NDUFA13: variants seen among roughly 807,000 people sequenced by gnomAD.
NDUFA13 encodes the protein NADH:ubiquinone oxidoreductase subunit A13.
A neutral mutation model predicts 17.0 loss-of-function variants in NDUFA13; 16 were observed. The ratio of observed to expected loss-of-function variants is 0.94; its 90% CI spans 0.64 to 1.43. The LOEUF is 1.43. Among genes scored for constraint, NDUFA13 ranks in the 40% most tolerant of loss-of-function variants. The pLI, the probability that NDUFA13 is intolerant of heterozygous loss-of-function variation, is 0.00. For synonymous variants in NDUFA13, 87 were observed against 78.4 expected (o/e 1.11, Z -0.58); for missense variants, 228 against 206.7 (o/e 1.10, Z -0.63).
chr19:19,527,175 C>T, intron 2 of NDUFA13, 106 bp from the exon 3 acceptor site: 1 of 1,189,552 alleles, frequency 8.4e-7, no homozygotes, highest in South Asian at 1.3e-5. Context: ...TCCCCGCCCC[C>T]CTCCGCCTCT....
At chr19:19,527,131 C>T in intron 2 of NDUFA13, 150 bp from the exon 3 acceptor site, 1 of 879,902 alleles carries the variant, frequency 1.1e-6, no homozygotes, top group Non-Finnish European at 1.8e-6. Context: ...AGCCCTTGCC[C>T]TTCCCGCGAC....
intron 1 of NDUFA13, among the ~76,000 whole-genome samples, chr19:19,522,162 G>A (rs902747710): frequency 7.9e-5 from 12 of 151,846 alleles, no homozygotes; most frequent in African/African-American, 2.4e-4. Flanking sequence ...AAAATTAGCT[G>A]GGCGCGGTGG....
At position 19,522,477 on chromosome 19, in the gene NDUFA13, C is replaced by CTTTTTTTTTTTTTTTTTT. The variant is rs3067694; in HGVS notation, c.95-3703_95-3686dup. On this transcript the variant is annotated intron_variant, in intron 1 of 4. Transcript: ENST00000507754. ...AGCTCTTACGCTTAGGTCTTTGATC[C>CTTTTTTTTTTTTTTTTTT]TTTTTTTTTTTTTTTTTTTGAGATG... 2.8e-4 allele frequency among the ~76,000 whole-genome samples: 27 copies of CTTTTTTTTTTTTTTTTTT among 95,014 alleles called. 2 individuals carry two copies. The highest frequency in any genetic ancestry group is 5.3e-4 in the African/African-American group (11 of 20,840). 62.3% of individuals were successfully genotyped at this position (95,014 alleles called of 152,430 possible).
intron 1 of NDUFA13, among the ~76,000 whole-genome samples, chr19:19,518,729 ATTTTTTTT>A (rs566386690): frequency 0.1 from 3,412 of 33,994 alleles, 245 homozygotes; most frequent in African/African-American, 0.29. Flanking sequence ...ATGCCCTGCG[ATTTTTTTT>A]TTTTTTTTTT....
At chr19:19,525,036 CAAAACCA>C (rs2061094114) in intron 1 of NDUFA13, among the ~76,000 whole-genome samples, 1 of 151,708 alleles carries the variant, frequency 6.6e-6, no homozygotes, top group African/African-American at 2.4e-5. Flanking sequence ...GACCTTGTCT[CAAAACCA>C]AAAACCAAAA....
intron 1 of NDUFA13, among the ~76,000 whole-genome samples, chr19:19,517,580 T>G (rs896218952): frequency 1.3e-5 from 2 of 152,230 alleles, no homozygotes; most frequent in African/African-American, 4.8e-5. Flanking sequence ...TTCCTCAATT[T>G]TAACACACAC....
intron 1 of NDUFA13, among the ~76,000 whole-genome samples, chr19:19,517,931 A>T (rs1054794646): frequency 6.6e-6 from 1 of 152,320 alleles, no homozygotes; most frequent in African/African-American, 2.4e-5. Context: ...AGTTTCAGTT[A>T]CTGAGACAAC....
chr19:19,526,310 C>T (rs377271070), intron 2 of NDUFA13, 50 bp downstream of exon 2: 20 of 1,596,560 alleles, frequency 1.3e-5, no homozygotes, highest in African/African-American at 4.0e-5. Flanking sequence ...GGCGAGTTGT[C>T]GGGGTCCTGT....
At position 19,528,186 on chromosome 19, in the gene NDUFA13, T is replaced by C; in HGVS notation, c.*60T>C. 2 of 1,603,466 alleles carry C rather than the reference T, an allele frequency of 1.2e-6. No homozygotes were observed. The highest frequency in any genetic ancestry group is 1.7e-6 in the Non-Finnish European group (2 of 1,178,876). On this transcript the variant is annotated 3_prime_UTR_variant, in exon 5 of 5. Coordinates refer to ENST00000507754, the MANE Select transcript of NDUFA13 (RefSeq NM_015965.7). Reference sequence around the variant, plus strand: ...CTCCCCACTGGGACGGAATAAATGCTCTGCAGACCTGGCCTGCCTGTTTTC... The same window carrying C: ...CTCCCCACTGGGACGGAATAAATGCCCTGCAGACCTGGCCTGCCTGTTTTC...
chr19:19,526,708 G>C, intron 2 of NDUFA13: 1 of 308,308 alleles, frequency 3.2e-6, no homozygotes, highest in Non-Finnish European at 6.3e-6. Flanking sequence ...TGGACACACA[G>C]GGCCAGATGA....
chr19:19,527,683 T>TCGGC lies in NDUFA13; in HGVS notation c.246-16_246-13dup, dbSNP rs572374362. On this transcript the variant is annotated splice_polypyrimidine_tract_variant and intron_variant, in intron 3 of 4. Transcript: ENST00000507754. The stretch of plus-strand genomic sequence containing the variant: ...GGGCACTGAGGCCCCACCCCCACCA[T>TCGGC]CGGCCCCATCCCCACAGGACCTTGC... 2,848 of 1,492,162 alleles carry TCGGC rather than the reference T, an allele frequency of 1.9e-3. 6 individuals are homozygous for TCGGC. The highest frequency in any genetic ancestry group is 3.2e-3 in the Admixed American group (163 of 50,954). 92.4% of individuals were successfully genotyped at this position (1,492,162 alleles called of 1,614,324 possible). A position where few individuals can be genotyped will look rare whatever the true frequency, so the allele number is the denominator to read the frequency against.
chr19:19,516,819 C>T (rs2061051529), intron 1 of NDUFA13, among the ~76,000 whole-genome samples: 2 of 152,144 alleles, frequency 1.3e-5, no homozygotes, highest in South Asian at 4.1e-4. Flanking sequence ...CGGAGTTTTG[C>T]TCTTGTTGCC....
chr19:19,528,037 T>C lies in NDUFA13; in HGVS notation c.346T>C (p.Trp116Arg). The change falls in exon 5 of 5, where the codon TGG becomes CGG. Residue 116 changes from tryptophan (W) to arginine (R), a missense_variant. By Grantham distance (101) the Trp-to-Arg change is moderately radical. Coordinates refer to ENST00000507754, the MANE Select transcript of NDUFA13 (RefSeq NM_015965.7). The part of the protein sequence containing the change: ...VGESVFHTTR[W>R]VPPLIGELYG... ...GGAGTCTGTGTTCCACACAACCCGCTGGGTGCCCCCCTTGATCGGGGAGCT... is the reference window on the plus strand; with the variant it reads ...GGAGTCTGTGTTCCACACAACCCGCCGGGTGCCCCCCTTGATCGGGGAGCT... 6.2e-7 allele frequency: 1 copy of C among 1,612,614 alleles called. No individual in the cohort carries two copies. Among genetic ancestry groups the C allele is most frequent in the Non-Finnish European group, 8.5e-7 (1 of 1,179,952 alleles).
At chr19:19,517,594 A>G (rs961598014) in intron 1 of NDUFA13, among the ~76,000 whole-genome samples, 3 of 152,230 alleles carry the variant, frequency 2.0e-5, no homozygotes, top group Admixed American at 2.0e-4. Flanking sequence ...CACACACACA[A>G]AAATGAGCAT....
rs747596537 is a variant in NDUFA13, at chr19:19,528,140, C to T, written c.*14C>T. On this transcript the variant is annotated 3_prime_UTR_variant, in exon 5 of 5. Transcript: ENST00000507754. Reference sequence around the variant, plus strand: ...TGGTACACGTAGGCCCTGTGCCCTCCGGCCACCTGGATCCCTGCCCCTCCC... The same window carrying T: ...TGGTACACGTAGGCCCTGTGCCCTCTGGCCACCTGGATCCCTGCCCCTCCC... 1.8e-5 allele frequency: 29 copies of T among 1,610,968 alleles called. No individual in the cohort carries two copies. The highest frequency in any genetic ancestry group is 2.2e-4 in the Middle Eastern group (1 of 4,490).
At chr19:19,516,401 C>T in intron 1 of NDUFA13, 69 bp downstream of exon 1, 1 of 1,537,124 alleles carries the variant, frequency 6.5e-7, no homozygotes, top group Middle Eastern at 2.0e-4. Flanking sequence ...GTTCCGGGGA[C>T]ACAGGCGGGC....
intron 3 of NDUFA13, 115 bp from the exon 4 acceptor site, chr19:19,527,585 TG>T: frequency 1.0e-6 from 1 of 994,498 alleles, no homozygotes; most frequent in Non-Finnish European, 1.5e-6. Context: ...AGGAGTTGGC[TG>T]GGGGAAAAGG....
At chr19:19,518,231 C>A (rs1197946839) in intron 1 of NDUFA13, among the ~76,000 whole-genome samples, 2 of 150,678 alleles carry the variant, frequency 1.3e-5, no homozygotes. Flanking sequence ...TTTTTCTTTT[C>A]TTTCTTTCTT....
At chr19:19,522,774 G>A (rs574776159) in intron 1 of NDUFA13, among the ~76,000 whole-genome samples, 3 of 152,130 alleles carry the variant, frequency 2.0e-5, no homozygotes, top group Admixed American at 6.5e-5. Flanking sequence ...CACTGCGCCC[G>A]GCAGGTCTTT....
Sources: allele counts gnomAD v4.1 joint callset (sites outside exome capture counted in the v4.1 genomes callset), GRCh38; gene constraint gnomAD v4.1.1; transcripts MANE v1.5; gene names NCBI Gene and HGNC (gene_info 2026-07-23, HGNC 2026-07-21).